SLC45A1: variants seen among roughly 807,000 people sequenced by gnomAD.
SLC45A1 encodes the protein solute carrier family 45 member 1.
In SLC45A1, 28 loss-of-function variants were observed where a neutral mutation model predicts 57.6. That is an observed-to-expected ratio of 0.49 (90% CI 0.36 to 0.67). SLC45A1 has a LOEUF of 0.67. SLC45A1 is among the 30% of genes least tolerant of loss of function. SLC45A1 has a pLI of 0.00. For synonymous variants in SLC45A1, 459 were observed against 471.5 expected (o/e 0.97, Z 0.34); for missense variants, 814 against 1,041.5 (o/e 0.78, Z 3.01).
chr1:8,319,858 A>G (rs1639945721), intron 1 of SLC45A1, among the ~76,000 whole-genome samples: 1 of 152,104 alleles, frequency 6.6e-6, no homozygotes. Context: ...CTGGGATTAC[A>G]GGCACTCGCC....
In SLC45A1 at chr1:8,325,012, G is replaced by A. The variant is rs541569850; in HGVS notation, c.397+286G>A. 1.1e-4 allele frequency among the ~76,000 whole-genome samples: 17 copies of A among 152,314 alleles called. No individual in the cohort carries two copies. The South Asian group carries it at 3.5e-3, about 32-fold the overall frequency. On this transcript the variant is annotated intron_variant, in intron 2 of 8. Transcript: ENST00000471889. This position sits in a 1 kb window ranked among gnomAD's most constrained non-coding sequence, Gnocchi z 6.3. The stretch of plus-strand genomic sequence containing the variant: ...TCCAACTCATAACGCTTGGTGTCAT[G>A]TGAGCCTGGAAGGTCCTGAAATTTC...
intron 5 of SLC45A1, 106 bp downstream of exon 5, chr1:8,331,042 G>T: frequency 1.4e-6 from 2 of 1,383,364 alleles, no homozygotes; most frequent in Non-Finnish European, 1.9e-6. Flanking sequence ...GAAATTCCCG[G>T]CTGTTATGGG....
chr1:8,323,577 G>A (rs1030456373), intron 1 of SLC45A1, among the ~76,000 whole-genome samples: 3 of 151,506 alleles, frequency 2.0e-5, no homozygotes, highest in Non-Finnish European at 4.4e-5. Flanking sequence ...CTCTGCATTC[G>A]CATGTTGTCT....
chr1:8,323,181 C>T (rs1640084325), intron 1 of SLC45A1, among the ~76,000 whole-genome samples: 2 of 152,058 alleles, frequency 1.3e-5, no homozygotes, highest in South Asian at 4.1e-4. Flanking sequence ...AGGTCATGGG[C>T]ATTGTGAAAA....
Position 8,324,783 on chromosome 1 carries a change from A to T in SLC45A1, c.397+57A>T, listed in dbSNP as rs569732197. ...GCCTCTGGAAGCCTCCAGAAGCCTCATCGCAGTAGCCTGAGGGTCCTGAGG... is the reference window on the plus strand; with the variant it reads ...GCCTCTGGAAGCCTCCAGAAGCCTCTTCGCAGTAGCCTGAGGGTCCTGAGG... On this transcript the variant is annotated intron_variant, in intron 2 of 8. Transcript: ENST00000471889. 106 of 1,469,840 alleles carry T rather than the reference A, an allele frequency of 7.2e-5. No homozygotes were observed. In the African/African-American group the frequency reaches 1.4e-3, roughly 19 times the overall value. The allele number at this position is 1,469,840 out of a possible 1,614,324, so 91.0% of individuals were successfully genotyped here. A position where few individuals can be genotyped will look rare whatever the true frequency, so the allele number is the denominator to read the frequency against.
intron 4 of SLC45A1, among the ~76,000 whole-genome samples, chr1:8,329,439 G>A (rs1016963127): frequency 6.6e-6 from 1 of 152,234 alleles, no homozygotes; most frequent in African/African-American, 2.4e-5. Flanking sequence ...CCCGCAGCTG[G>A]CTGGGGTGGT....
intron 1 of SLC45A1, among the ~76,000 whole-genome samples, chr1:8,322,694 C>G (rs1231610293): frequency 6.6e-6 from 1 of 152,144 alleles, no homozygotes; most frequent in Non-Finnish European, 1.5e-5. Flanking sequence ...AAGCTTAAAA[C>G]TAATTTTGAG....
rs1426818047 is a variant in SLC45A1, at chr1:8,325,874, G to A, written c.547G>A (p.Ala183Thr). The A allele has an allele frequency of 1.2e-6, 2 of 1,613,946 alleles. No homozygotes were observed. Among genetic ancestry groups the A allele is most frequent in the Non-Finnish European group, 1.7e-6 (2 of 1,180,040 alleles). The change falls in exon 4 of 9, where the codon GCT (alanine) becomes ACT (threonine). Residue 183 changes from alanine (A) to threonine (T), a missense_variant. Transcript: ENST00000471889. This position sits in a 1 kb window ranked among gnomAD's most constrained non-coding sequence, Gnocchi z 6.3. ...LNGRDIGIAL[A>T]DVTGNHKWGL... ...TGGCCGGGACATTGGCATCGCCCTGGCTGACGTGACCGGGAACCACAAGTG... is the reference window on the plus strand; with the variant it reads ...TGGCCGGGACATTGGCATCGCCCTGACTGACGTGACCGGGAACCACAAGTG...
At chr1:8,333,239 C>CT (rs1305399179) in intron 5 of SLC45A1, among the ~76,000 whole-genome samples, 1,848 of 144,748 alleles carry the variant, frequency 0.013, 48 homozygotes, top group African/African-American at 0.042. Context: ...TTTTCCTTTC[C>CT]TTTTTTTTTT....
intron 1 of SLC45A1, among the ~76,000 whole-genome samples, chr1:8,320,518 C>A (rs2124280599): frequency 6.6e-6 from 1 of 152,182 alleles, no homozygotes. Flanking sequence ...GTGGTGTGCA[C>A]CTGTAGTTCC....
intron 1 of SLC45A1, among the ~76,000 whole-genome samples, chr1:8,318,763 T>A (rs895484014): frequency 2.0e-5 from 3 of 152,170 alleles, no homozygotes; most frequent in African/African-American, 7.2e-5. Context: ...TTTCAGCTCT[T>A]ACAGGGAAGC....
chr1:8,327,374 C>T lies in SLC45A1; in HGVS notation c.715+1332C>T, dbSNP rs529521045. Among the ~76,000 whole-genome samples, 1 of 152,336 alleles carries T rather than the reference C, an allele frequency of 6.6e-6. No individual in the cohort carries two copies. The highest frequency in any genetic ancestry group is 2.4e-5 in the African/African-American group (1 of 41,562). ...AGAATGCACCCATCCCACAGAGCCACTGCCATTAGGGACACACAAACAAAA... is the reference window on the plus strand; with the variant it reads ...AGAATGCACCCATCCCACAGAGCCATTGCCATTAGGGACACACAAACAAAA... On this transcript the variant is annotated intron_variant, in intron 4 of 8. Transcript: ENST00000471889. The surrounding 1 kb of genome is among the most constrained non-coding windows in gnomAD (Gnocchi z 4.3).
At chr1:8,333,379 C>T (rs561321575) in intron 5 of SLC45A1, among the ~76,000 whole-genome samples, 2 of 152,046 alleles carry the variant, frequency 1.3e-5, no homozygotes, top group East Asian at 3.9e-4. Context: ...TCAAGTGATC[C>T]CCCTGCCTTG....
chr1:8,325,843 G>C lies in SLC45A1; in HGVS notation c.516G>C (p.Leu172Phe). 1 of 1,613,716 alleles carries C rather than the reference G, an allele frequency of 6.2e-7. No homozygotes were observed. The highest frequency in any genetic ancestry group is 1.1e-5 in the South Asian group (1 of 91,084). The change falls in exon 4 of 9, where the codon TTG becomes TTC. Residue 172 changes from leucine (L) to phenylalanine (F), a missense_variant. Physicochemically the swap from Leu to Phe is conservative, Grantham distance 22. Transcript: ENST00000471889. The surrounding 1 kb of genome is among the most constrained non-coding windows in gnomAD (Gnocchi z 6.3). ...AIGALLGLSL[L>F]LNGRDIGIAL... is the part of the protein sequence containing the mutation. ...GGGCACTGCTGGGCCTCTCGCTCTT[G>C]CTGAATGGCCGGGACATTGGCATCG...
Position 8,326,078 on chromosome 1 carries a change from C to T in SLC45A1, c.715+36C>T, listed in dbSNP as rs569718849. ...GCAGCAGGGCCGAAGCTGAATCTGC[C>T]GGGCTGCAGGCTTCAGACGTGTGGC... On this transcript the variant is annotated intron_variant, in intron 4 of 8. Coordinates refer to ENST00000471889, the MANE Select transcript of SLC45A1 (RefSeq NM_001080397.3). The surrounding 1 kb of genome is among the most constrained non-coding windows in gnomAD (Gnocchi z 5.5). 31 of 1,554,036 alleles carry T rather than the reference C, an allele frequency of 2.0e-5. No homozygotes were observed. The South Asian group carries it at 2.1e-4, about 11-fold the overall frequency.
In SLC45A1 at chr1:8,330,874, G is replaced by C; in HGVS notation, c.1381G>C (p.Asp461His). Residue 461 changes from aspartate to histidine, a missense_variant, in exon 5 of 9, where the codon GAC becomes CAC. Coordinates refer to ENST00000471889, the MANE Select transcript of SLC45A1 (RefSeq NM_001080397.3). This position sits in a 1 kb window ranked among gnomAD's most constrained non-coding sequence, Gnocchi z 8.4. ...LKRPQTLAIP[D>H]AAGGGGPETS... ...GAGACCTCAGACCTTGGCCATCCCG[G>C]ACGCAGCCGGAGGAGGGGGTCCCGA... 6.2e-7 allele frequency: 1 copy of C among 1,607,258 alleles called. No homozygotes were observed. The highest frequency in any genetic ancestry group is 2.2e-5 in the East Asian group (1 of 44,762).
At chr1:8,342,968 C>G (rs1035686047) in intron 8 of SLC45A1, among the ~76,000 whole-genome samples, 4 of 152,118 alleles carry the variant, frequency 2.6e-5, no homozygotes, top group African/African-American at 9.7e-5. Context: ...GAGTTTCTCT[C>G]TCTCCCTTTT....
In SLC45A1 at chr1:8,330,100, C is replaced by T. The variant is rs1328335744; in HGVS notation, c.716-109C>T. The T allele has an allele frequency of 5.9e-6, 8 of 1,355,950 alleles. No homozygotes were observed. Among genetic ancestry groups the T allele is most frequent in the East Asian group, 2.3e-5 (1 of 43,594 alleles). 84.0% of individuals were successfully genotyped at this position (1,355,950 alleles called of 1,614,324 possible). On this transcript the variant is annotated intron_variant, in intron 4 of 8. Transcript: ENST00000471889. The surrounding 1 kb of genome is among the most constrained non-coding windows in gnomAD (Gnocchi z 8.4). Reference sequence around the variant, plus strand: ...TTAGGTGGAACAGGTTCTGTGCCCACGTCCCTGGAATGGCCTTGGCTACCT... The same window carrying T: ...TTAGGTGGAACAGGTTCTGTGCCCATGTCCCTGGAATGGCCTTGGCTACCT...
chr1:8,319,476 A>G (rs1363666253), intron 1 of SLC45A1, among the ~76,000 whole-genome samples: 2 of 152,162 alleles, frequency 1.3e-5, no homozygotes, highest in African/African-American at 2.4e-5. Context: ...CCCACAACAC[A>G]GTTTGAGGAA....
Sources: gnomAD v4.1 joint callset for allele counts (sites outside exome capture counted in the v4.1 genomes callset) on GRCh38, gnomAD v4.1.1 for gene constraint, Gnocchi (gnomAD v3.1) non-coding constraint, MANE v1.5 for transcripts, NCBI Gene and HGNC (gene_info 2026-07-23, HGNC 2026-07-21) for gene names.